Variants in MYO5B observed in about 807,000 individuals in gnomAD.
The protein encoded by MYO5B is myosin VB.
A neutral mutation model predicts 229.3 loss-of-function variants in MYO5B; 143 were observed. The ratio of observed to expected loss-of-function variants is 0.62; its 90% CI spans 0.54 to 0.72. MYO5B has a LOEUF of 0.72. Among genes scored for constraint, MYO5B ranks in the 30% least tolerant of loss-of-function variants. The pLI is 0.00. For synonymous variants in MYO5B, 918 were observed against 885.2 expected (o/e 1.04, Z -0.66); for missense variants, 2,321 against 2,331.0 (o/e 1.00, Z 0.09).
At chr18:50,009,459 A>G (rs912845856) in intron 4 of MYO5B, among the ~76,000 whole-genome samples, 6 of 152,242 alleles carry the variant, frequency 3.9e-5, no homozygotes, top group Non-Finnish European at 8.8e-5. Context: ...GAATACTAAG[A>G]GATACAAACA....
At chr18:50,063,239 C>T (rs753008913) in intron 1 of MYO5B, among the ~76,000 whole-genome samples, 2 of 152,154 alleles carry the variant, frequency 1.3e-5, no homozygotes, top group African/African-American at 2.4e-5. Context: ...TCTGAGTTTC[C>T]GTTTACTCAT....
intron 4 of MYO5B, among the ~76,000 whole-genome samples, chr18:50,001,650 A>T (rs1402213316): frequency 6.6e-6 from 1 of 152,156 alleles, no homozygotes; most frequent in Admixed American, 6.5e-5. Context: ...CTAGAGCGAG[A>T]GTGGTGCAGA....
intron 1 of MYO5B, among the ~76,000 whole-genome samples, chr18:50,173,950 C>T (rs756373744): frequency 7.9e-5 from 12 of 152,090 alleles, no homozygotes; most frequent in African/African-American, 1.2e-4. Flanking sequence ...GGTGTGTCTG[C>T]GAGGGCGTTT....
rs71169481 is a variant in MYO5B at position 50,122,439 on chromosome 18, TA to T, written c.28-67062del. ...CAACATGGTGAAACCCTGTCTCAAC[TA>T]AAAAAAAAAAAAAAAAAAAAATCAG... On this transcript the variant is annotated intron_variant, in intron 1 of 39. Transcript: ENST00000285039. 1.3e-3 allele frequency among the ~76,000 whole-genome samples: 55 copies of T among 41,886 alleles called. 1 individual carries two copies. The highest frequency in any genetic ancestry group is 4.0e-3 in the African/African-American group (38 of 9,564). 27.5% of individuals were successfully genotyped at this position (41,886 alleles called of 152,430 possible). A position where few individuals can be genotyped will look rare whatever the true frequency, so the allele number is the denominator to read the frequency against.
chr18:50,137,060 T>A (rs1157682), intron 1 of MYO5B, among the ~76,000 whole-genome samples: 6,132 of 152,302 alleles, frequency 0.04, 151 homozygotes, highest in Non-Finnish European at 0.055. Context: ...CATGGATTCT[T>A]AGAAGATGAT....
intron 1 of MYO5B, among the ~76,000 whole-genome samples, chr18:50,055,986 C>T (rs1379175745): frequency 6.6e-6 from 1 of 152,130 alleles, no homozygotes; most frequent in African/African-American, 2.4e-5. Flanking sequence ...GGTGTGATCA[C>T]AGGTCACTGC....
intron 39 of MYO5B, among the ~76,000 whole-genome samples, chr18:49,827,235 T>A (rs2023857892): frequency 6.6e-6 from 1 of 152,248 alleles, no homozygotes; most frequent in South Asian, 2.1e-4. Context: ...CTAAGGGAAC[T>A]GTGTGTGTGA....
rs151059616 is a variant in MYO5B, at chr18:50,129,828, C to T, written c.27+64939G>A. On this transcript the variant is annotated intron_variant, in intron 1 of 39. Coordinates refer to ENST00000285039, the MANE Select transcript of MYO5B (RefSeq NM_001080467.3). The stretch of plus-strand genomic sequence containing the variant: ...ATCATGGGACTAGTACAGGAGCCTC[C>T]GCCAACAAGAAAAGTCAGAAGAGGG... Among the ~76,000 whole-genome samples the T allele has an allele frequency of 5.2e-3, 792 of 152,250 alleles. 4 individuals carry two copies. The highest frequency in any genetic ancestry group is 0.018 in the African/African-American group (733 of 41,552).
At chr18:49,942,557 T>C (rs1282405104) in intron 14 of MYO5B, among the ~76,000 whole-genome samples, 14 of 152,112 alleles carry the variant, frequency 9.2e-5, no homozygotes, top group South Asian at 2.1e-4. Flanking sequence ...GGGCGCAGGA[T>C]ATGAACAGAC....
At chr18:49,882,582 C>T (rs1057427410) in intron 22 of MYO5B, among the ~76,000 whole-genome samples, 107 of 137,118 alleles carry the variant, frequency 7.8e-4, no homozygotes, top group African/African-American at 7.3e-4. Flanking sequence ...GAGCTGAGAT[C>T]GTGCCACAGC....
intron 32 of MYO5B, among the ~76,000 whole-genome samples, chr18:49,848,153 A>G (rs1568608268): frequency 6.6e-6 from 1 of 152,218 alleles, no homozygotes; most frequent in Non-Finnish European, 1.5e-5. Context: ...GTCCCTGGCC[A>G]GTCGAACTAA....
intron 12 of MYO5B, among the ~76,000 whole-genome samples, chr18:49,954,765 G>C (rs1049067366): frequency 6.6e-6 from 1 of 152,118 alleles, no homozygotes; most frequent in Admixed American, 6.5e-5. Flanking sequence ...CCACCTGAAG[G>C]TACTTCCCTG....
intron 4 of MYO5B, among the ~76,000 whole-genome samples, chr18:50,021,414 T>C (rs2026273056): frequency 6.6e-6 from 1 of 152,142 alleles, no homozygotes; most frequent in Non-Finnish European, 1.5e-5. Flanking sequence ...TCGGTGCCTT[T>C]GGCCATCACT....
chr18:50,144,735 A>G (rs2032473495), intron 1 of MYO5B, among the ~76,000 whole-genome samples: 1 of 152,226 alleles, frequency 6.6e-6, no homozygotes, highest in Non-Finnish European at 1.5e-5. Context: ...AAGAGTCTAC[A>G]GGAAGAAGTG....
At chr18:50,070,748 G>T (rs1269416577) in intron 1 of MYO5B, among the ~76,000 whole-genome samples, 4 of 151,988 alleles carry the variant, frequency 2.6e-5, no homozygotes, top group Admixed American at 2.0e-4. Flanking sequence ...TGGCCCAAAT[G>T]ATTTTTCTGG....
chr18:49,979,860 C>T (rs952332343), intron 9 of MYO5B, among the ~76,000 whole-genome samples: 2 of 152,180 alleles, frequency 1.3e-5, no homozygotes, highest in African/African-American at 2.4e-5. Flanking sequence ...CTCCATCACC[C>T]GTCCATCCAC....
chr18:50,009,086 A>G (rs2026133967), intron 4 of MYO5B, among the ~76,000 whole-genome samples: 1 of 152,228 alleles, frequency 6.6e-6, no homozygotes, highest in African/African-American at 2.4e-5. Context: ...AAATGATAAT[A>G]GTATATATGT....
chr18:49,881,612 C>T (rs1321096815), intron 22 of MYO5B, among the ~76,000 whole-genome samples: 3 of 151,992 alleles, frequency 2.0e-5, no homozygotes, highest in Non-Finnish European at 4.4e-5. Context: ...ACCATCCTGG[C>T]TAACACGGTG....
chr18:50,060,240 A>G (rs911130721), intron 1 of MYO5B, among the ~76,000 whole-genome samples: 1 of 152,196 alleles, frequency 6.6e-6, no homozygotes, highest in Admixed American at 6.5e-5. Context: ...TATCTTGTAC[A>G]TGCTCTCTCC....
Sources: gnomAD v4.1 joint callset for allele counts (sites outside exome capture counted in the v4.1 genomes callset) on GRCh38, gnomAD v4.1.1 for gene constraint, MANE v1.5 for transcripts, NCBI Gene and HGNC (gene_info 2026-07-23, HGNC 2026-07-21) for gene names.